EGLN1: variants seen among roughly 807,000 people sequenced by gnomAD.
EGLN1 encodes the protein egl-9 family hypoxia inducible factor 1, also known as egl nine homolog 1.
Under a neutral mutation model 38.3 loss-of-function variants are expected in EGLN1, and 17 were observed. The ratio of observed to expected loss-of-function variants is 0.44; its 90% CI spans 0.30 to 0.67. The LOEUF is 0.67. Among genes scored for constraint, EGLN1 ranks in the 30% least tolerant of loss-of-function variants. EGLN1 has a pLI of 0.08. For synonymous variants in EGLN1, 283 were observed against 257.5 expected (o/e 1.10, Z -0.95); for missense variants, 477 against 603.3 (o/e 0.79, Z 2.19).
At chr1:231,409,995 A>G (rs1265802744) in intron 1 of EGLN1, among the ~76,000 whole-genome samples, 1 of 152,190 alleles carries the variant, frequency 6.6e-6, no homozygotes, top group African/African-American at 2.4e-5. Flanking sequence ...CCAGGGGGAA[A>G]AAAAGTGTAG....
At chr1:231,374,515 G>A (rs1687907811) in intron 1 of EGLN1, among the ~76,000 whole-genome samples, 1 of 128,850 alleles carries the variant, frequency 7.8e-6, no homozygotes, top group Non-Finnish European at 1.7e-5. Flanking sequence ...TCTCTGAATG[G>A]TACCAATTTT....
intron 1 of EGLN1, among the ~76,000 whole-genome samples, chr1:231,400,878 C>T (rs930237886): frequency 6.6e-6 from 1 of 151,866 alleles, no homozygotes; most frequent in Non-Finnish European, 1.5e-5. Flanking sequence ...GGTGAAACCC[C>T]ATCTCTACAA....
intron 1 of EGLN1, among the ~76,000 whole-genome samples, chr1:231,405,983 C>G (rs1283025974): frequency 9.0e-6 from 1 of 111,468 alleles, no homozygotes; most frequent in Non-Finnish European, 1.8e-5. Context: ...CCCCACCCCC[C>G]ACCCCCACCC....
intron 1 of EGLN1, among the ~76,000 whole-genome samples, chr1:231,415,376 C>T (rs1689054246): frequency 1.3e-5 from 2 of 151,478 alleles, no homozygotes; most frequent in Admixed American, 6.6e-5. Flanking sequence ...TTGATTTTGT[C>T]ACCAGCTCTA....
intron 1 of EGLN1, among the ~76,000 whole-genome samples, chr1:231,415,294 A>AGG (rs1689052053): frequency 6.6e-6 from 1 of 151,940 alleles, no homozygotes; most frequent in Non-Finnish European, 1.5e-5. Context: ...AAAAAGCGTA[A>AGG]AATATGCCAA....
chr1:231,404,747 TTAAA>T (rs1361108191), intron 1 of EGLN1, among the ~76,000 whole-genome samples: 4 of 151,900 alleles, frequency 2.6e-5, no homozygotes, highest in African/African-American at 9.7e-5. Flanking sequence ...TTAATATAGC[TTAAA>T]TAATTAAATT....
chr1:231,390,583 G>C (rs891745532), intron 1 of EGLN1, among the ~76,000 whole-genome samples: 1 of 152,142 alleles, frequency 6.6e-6, no homozygotes, highest in Non-Finnish European at 1.5e-5. Context: ...TTCCAGTTTT[G>C]GGCCTCCATA....
chr1:231,366,507 C>T, intron 4 of EGLN1, 32 bp from the exon 5 acceptor site: 1 of 1,595,324 alleles, frequency 6.3e-7, no homozygotes, highest in Non-Finnish European at 8.6e-7. Flanking sequence ...AATTTTCATT[C>T]ATTCACTAAG....
At chr1:231,367,193 G>A (rs1372664333) in intron 4 of EGLN1, among the ~76,000 whole-genome samples, 1 of 152,142 alleles carries the variant, frequency 6.6e-6, no homozygotes, top group Non-Finnish European at 1.5e-5. Context: ...CTAGAGTACT[G>A]TTTAGAGCAC....
Position 231,372,448 on chromosome 1 carries a change from A to G in EGLN1, c.1011+1532T>C, listed in dbSNP as rs151267249. On this transcript the variant is annotated intron_variant, in intron 2 of 4. Transcript: ENST00000366641. Reference sequence around the variant, plus strand: ...ACCCTGACTAAGTATTATAGAAATTATAAGATCAGCCTAGAAAAAGCCTAA... The same window carrying G: ...ACCCTGACTAAGTATTATAGAAATTGTAAGATCAGCCTAGAAAAAGCCTAA... Among the ~76,000 whole-genome samples, 13 of 152,390 alleles carry G rather than the reference A, an allele frequency of 8.5e-5. No homozygotes were observed. The East Asian group carries it at 2.3e-3, about 27-fold the overall frequency.
intron 1 of EGLN1, among the ~76,000 whole-genome samples, chr1:231,396,230 G>GT (rs909621087): frequency 1.2e-4 from 18 of 147,384 alleles, no homozygotes; most frequent in African/African-American, 4.5e-4. Context: ...GGCAGTTTTT[G>GT]TTTTTTCCTC....
intron 1 of EGLN1, among the ~76,000 whole-genome samples, chr1:231,411,773 C>T (rs533969423): frequency 2.2e-4 from 34 of 151,744 alleles, no homozygotes; most frequent in African/African-American, 3.1e-4. Context: ...CCTAGGTGGG[C>T]GGATCACGAG....
At chr1:231,411,541 G>C (rs1248056432) in intron 1 of EGLN1, among the ~76,000 whole-genome samples, 13 of 152,114 alleles carry the variant, frequency 8.5e-5, no homozygotes, top group Admixed American at 7.9e-4. Context: ...GCCTTAAACT[G>C]AATTGAGATG....
chr1:231,403,949 CAT>C lies in EGLN1; in HGVS notation c.891+17047_891+17048del, dbSNP rs200020031. Among the ~76,000 whole-genome samples the C allele has an allele frequency of 7.0e-4, 107 of 151,842 alleles. 3 individuals are homozygous for C. The East Asian group carries it at 0.02, about 29-fold the overall frequency. ...ATATTATATATTTCTATAAGAAAAA[CAT>C]AGGTATGAATACATGTTGTTTAACT... On this transcript the variant is annotated intron_variant, in intron 1 of 4. Transcript: ENST00000366641.
chr1:231,400,109 C>A (rs1334279467), intron 1 of EGLN1, among the ~76,000 whole-genome samples: 1 of 152,050 alleles, frequency 6.6e-6, no homozygotes, highest in Non-Finnish European at 1.5e-5. Context: ...TTTTGCTTTG[C>A]AAGCTTATAG....
chr1:231,379,637 C>T (rs1253317854), intron 1 of EGLN1, among the ~76,000 whole-genome samples: 1 of 152,196 alleles, frequency 6.6e-6, no homozygotes, highest in African/African-American at 2.4e-5. Flanking sequence ...CACTCACACA[C>T]ACCCATATTC....
chr1:231,414,948 G>T (rs1689038693), intron 1 of EGLN1, among the ~76,000 whole-genome samples: 1 of 151,858 alleles, frequency 6.6e-6, no homozygotes, highest in Non-Finnish European at 1.5e-5. Flanking sequence ...TTGCCCCCTG[G>T]TCTGGAACTC....
intron 1 of EGLN1, among the ~76,000 whole-genome samples, chr1:231,407,731 A>G (rs1688833154): frequency 6.6e-6 from 1 of 152,134 alleles, no homozygotes; most frequent in Non-Finnish European, 1.5e-5. Flanking sequence ...GGCCTAAGCA[A>G]CGTCATAAAA....
intron 1 of EGLN1, among the ~76,000 whole-genome samples, chr1:231,384,749 T>G (rs772733071): frequency 2.0e-5 from 3 of 152,228 alleles, no homozygotes; most frequent in Non-Finnish European, 2.9e-5. Context: ...GAGCAGGGGC[T>G]GGCAGACCAC....
Sources: allele counts gnomAD v4.1 joint callset (sites outside exome capture counted in the v4.1 genomes callset), GRCh38; gene constraint gnomAD v4.1.1; transcripts MANE v1.5; gene names NCBI Gene and HGNC (gene_info 2026-07-23, HGNC 2026-07-21).